TRIM71: variants seen among roughly 807,000 people sequenced by gnomAD.
TRIM71 encodes tripartite motif containing 71, also known as E3 ubiquitin-protein ligase TRIM71.
A neutral mutation model predicts 61.2 loss-of-function variants in TRIM71; 9 were observed. The observed-to-expected ratio is 0.15, with a 90% CI of 0.09 to 0.26. TRIM71 has a LOEUF of 0.26. Among genes scored for constraint, TRIM71 ranks in the 10% least tolerant of loss-of-function variants. TRIM71 has a pLI of 1.00. For missense variants in TRIM71, 998 were observed against 1,238.7 expected (o/e 0.81, Z 2.92); for synonymous variants, 645 against 553.2 (o/e 1.17, Z -2.33).
chr3:32,836,625 T>C (rs1446090087), intron 1 of TRIM71, among the ~76,000 whole-genome samples: 1 of 152,224 alleles, frequency 6.6e-6, no homozygotes, highest in African/African-American at 2.4e-5. Context: ...TAATTTTATT[T>C]AGAACAAATA....
chr3:32,849,331 G>C (rs1696512547), intron 1 of TRIM71, among the ~76,000 whole-genome samples: 1 of 152,070 alleles, frequency 6.6e-6, no homozygotes, highest in Non-Finnish European at 1.5e-5. Flanking sequence ...GTTAGAGGAA[G>C]GATCTTGCAT....
intron 1 of TRIM71, among the ~76,000 whole-genome samples, chr3:32,827,197 A>G (rs1169846814): frequency 2.0e-5 from 3 of 151,960 alleles, no homozygotes; most frequent in Non-Finnish European, 4.4e-5. Flanking sequence ...GTTTTCAGTA[A>G]TTATGTTAGC....
rs373753231 is a variant in TRIM71 at position 32,891,935 on chromosome 3, CTT to C, written c.*135_*136del. ...ACAGTCTCAGGGAAATTTCTTTTTT[CTT>C]TTTTTTTTTTAAAGAGAACAAGAAA... On this transcript the variant is annotated 3_prime_UTR_variant, in exon 4 of 4. Transcript: ENST00000383763. The surrounding 1 kb of genome is among the most constrained non-coding windows in gnomAD (Gnocchi z 8.2). The C allele has an allele frequency of 3.2e-4, 345 of 1,072,122 alleles. No homozygotes were observed. The highest frequency in any genetic ancestry group is 6.9e-4 in the Middle Eastern group (2 of 2,910). 66.4% of individuals were successfully genotyped at this position (1,072,122 alleles called of 1,614,324 possible).
chr3:32,850,803 C>A (rs1696530359), intron 1 of TRIM71, among the ~76,000 whole-genome samples: 1 of 152,130 alleles, frequency 6.6e-6, no homozygotes, highest in South Asian at 2.1e-4. Context: ...GCCTGTTTCT[C>A]TTGTGGGATT....
chr3:32,856,278 A>T (rs1335287979), intron 1 of TRIM71, among the ~76,000 whole-genome samples: 1 of 152,018 alleles, frequency 6.6e-6, no homozygotes, highest in East Asian at 1.9e-4. Context: ...CGGCCTCCCA[A>T]AGTGCTGGGA....
intron 1 of TRIM71, among the ~76,000 whole-genome samples, chr3:32,835,030 A>G (rs566963910): frequency 7.2e-5 from 11 of 152,264 alleles, no homozygotes; most frequent in Non-Finnish European, 1.3e-4. Flanking sequence ...TGTAAAACCA[A>G]TTGTCTTCCC....
Position 32,874,000 on chromosome 3 carries a change from C to G in TRIM71, c.1020+15C>G. On this transcript the variant is annotated intron_variant, in intron 2 of 3. Coordinates refer to ENST00000383763, the MANE Select transcript of TRIM71 (RefSeq NM_001039111.3). ...AGGCAATCCAGGTGAGCCTTCCCTG[C>G]CCTTCTGCAGTTCCCACGTGAATCG... 1 of 1,593,660 alleles carries G rather than the reference C, an allele frequency of 6.3e-7. No homozygotes were observed. The highest frequency in any genetic ancestry group is 1.7e-4 in the Middle Eastern group (1 of 5,970).
At chr3:32,874,615 C>T (rs1696835261) in intron 2 of TRIM71, among the ~76,000 whole-genome samples, 1 of 152,110 alleles carries the variant, frequency 6.6e-6, no homozygotes, top group Non-Finnish European at 1.5e-5. Flanking sequence ...CTCCGCCTCC[C>T]AGGTTCACGC....
At chr3:32,878,096 G>A (rs368074812) in intron 2 of TRIM71, among the ~76,000 whole-genome samples, 7 of 152,296 alleles carry the variant, frequency 4.6e-5, no homozygotes, top group African/African-American at 1.2e-4. Flanking sequence ...ATCGCCTTAC[G>A]AAGTTTATTT....
chr3:32,883,814 G>A (rs769520657), intron 2 of TRIM71, among the ~76,000 whole-genome samples: 1 of 152,168 alleles, frequency 6.6e-6, no homozygotes, highest in Non-Finnish European at 1.5e-5. Context: ...TAAGTATCAT[G>A]GGCTTTGTAC....
In TRIM71 at chr3:32,818,617, G is replaced by A. The variant is rs769142829; in HGVS notation, c.537G>A (p.Ser179=). 1 of 1,407,310 alleles carries A rather than the reference G, an allele frequency of 7.1e-7. No homozygotes were observed. Among genetic ancestry groups the A allele is most frequent in the East Asian group, 3.1e-5 (1 of 32,608 alleles). 87.2% of individuals were successfully genotyped at this position (1,407,310 alleles called of 1,614,324 possible). ...CGCAGCCGCCCGCGCCTTCCCGCTCGGCACCCGGCGGCCCTGCCGCTTCCC... is the reference window on the plus strand; with the variant it reads ...CGCAGCCGCCCGCGCCTTCCCGCTCAGCACCCGGCGGCCCTGCCGCTTCCC... ...QAPQPPAPSR[S]APGGPAASPS... is the part of the protein sequence containing the mutation. Residue 179 remains serine, a synonymous_variant, in exon 1 of 4, where the codon TCG becomes TCA. Coordinates refer to ENST00000383763, the MANE Select transcript of TRIM71 (RefSeq NM_001039111.3).
rs775362629 is a variant in TRIM71 at position 32,856,892 on chromosome 3, ACT to A, written c.853-16922_853-16921del. ...CCACGGACATTTTTGGGTTTCATGT[ACT>A]CTCAGGATGAATTCTCCACCACCAC... On this transcript the variant is annotated intron_variant, in intron 1 of 3. Transcript: ENST00000383763. Among the ~76,000 whole-genome samples, 171 of 152,152 alleles carry A rather than the reference ACT, an allele frequency of 1.1e-3. 2 individuals are homozygous for A. Among genetic ancestry groups the A allele is most frequent in the Non-Finnish European group, 1.5e-3 (103 of 68,010 alleles).
At chr3:32,863,806 T>C (rs1696700717) in intron 1 of TRIM71, among the ~76,000 whole-genome samples, 1 of 152,020 alleles carries the variant, frequency 6.6e-6, no homozygotes, top group Non-Finnish European at 1.5e-5. Flanking sequence ...CTCAGCTTCT[T>C]GAGTAGCTGG....
chr3:32,820,219 C>T (rs1228475148), intron 1 of TRIM71, among the ~76,000 whole-genome samples: 2 of 152,322 alleles, frequency 1.3e-5, no homozygotes, highest in Non-Finnish European at 2.9e-5. Flanking sequence ...TACCGAGCAC[C>T]GCAAAGGTGA....
chr3:32,857,743 G>A (rs896883172), intron 1 of TRIM71, among the ~76,000 whole-genome samples: 7 of 152,198 alleles, frequency 4.6e-5, no homozygotes, highest in Non-Finnish European at 8.8e-5. Flanking sequence ...GGCCGACGCA[G>A]GTGGATCACT....
chr3:32,876,286 C>CTT (rs1696851795), intron 2 of TRIM71, among the ~76,000 whole-genome samples: 1 of 152,140 alleles, frequency 6.6e-6, no homozygotes, highest in Non-Finnish European at 1.5e-5. Context: ...GCCTGAGGAA[C>CTT]TTAACCACTG....
chr3:32,891,888 CTT>C lies in TRIM71; in HGVS notation c.*81_*82del. 1.3e-6 allele frequency: 2 copies of C among 1,513,620 alleles called. No homozygotes were observed. Among genetic ancestry groups the C allele is most frequent in the Non-Finnish European group, 1.8e-6 (2 of 1,137,246 alleles). The allele number at this position is 1,513,620 out of a possible 1,614,324, so 93.8% of individuals were successfully genotyped here. ...TCTCTCTCTCTTTCTCTTTCTCTCT[CTT>C]TTTGAATTTCAAAGAAGAAACAGTC... On this transcript the variant is annotated 3_prime_UTR_variant, in exon 4 of 4. Transcript: ENST00000383763. This position sits in a 1 kb window ranked among gnomAD's most constrained non-coding sequence, Gnocchi z 8.2.
chr3:32,848,235 C>T (rs540333662), intron 1 of TRIM71, among the ~76,000 whole-genome samples: 4 of 152,272 alleles, frequency 2.6e-5, no homozygotes, highest in South Asian at 2.1e-4. Context: ...CTATACTGTG[C>T]GCATGATGAA....
chr3:32,875,706 C>CT (rs1433761959), intron 2 of TRIM71, among the ~76,000 whole-genome samples: 2 of 151,968 alleles, frequency 1.3e-5, no homozygotes, highest in African/African-American at 4.8e-5. Context: ...TGGTGTGACA[C>CT]TCGCCTGTAA....
Sources: gnomAD v4.1 joint callset for allele counts (sites outside exome capture counted in the v4.1 genomes callset) on GRCh38, gnomAD v4.1.1 for gene constraint, Gnocchi (gnomAD v3.1) non-coding constraint, MANE v1.5 for transcripts, NCBI Gene and HGNC (gene_info 2026-07-23, HGNC 2026-07-21) for gene names.